Variants in ULK2 observed in about 807,000 individuals in gnomAD.
The protein encoded by ULK2 is unc-51 like autophagy activating kinase 2.
Under a neutral mutation model 127.5 loss-of-function variants are expected in ULK2, and 76 were observed. That is an observed-to-expected ratio of 0.60 (90% CI 0.50 to 0.72). ULK2 has a LOEUF of 0.72. ULK2 is among the 30% of genes least tolerant of loss of function. The probability of loss-of-function intolerance (pLI) is 0.00; values close to 1 mark genes in which losing one functional copy is unlikely to be tolerated. For missense variants in ULK2, 1,144 were observed against 1,295.9 expected (o/e 0.88, Z 1.80); for synonymous variants, 452 against 461.9 (o/e 0.98, Z 0.28).
chr17:19,862,608 G>A (rs902597734), intron 3 of ULK2, among the ~76,000 whole-genome samples: 2 of 151,888 alleles, frequency 1.3e-5, no homozygotes, highest in African/African-American at 2.4e-5. Flanking sequence ...TGGGATTACA[G>A]GCACCCACCA....
intron 1 of ULK2, among the ~76,000 whole-genome samples, chr17:19,866,969 G>C (rs2042364389): frequency 6.6e-6 from 1 of 152,142 alleles, no homozygotes; most frequent in Admixed American, 6.5e-5. Context: ...CCTGGGCACG[G>C]GGAAAAAAAC....
At chr17:19,855,932 T>C (rs1445377025) in intron 3 of ULK2, 1 of 151,610 alleles carries the variant, frequency 6.6e-6, no homozygotes, top group East Asian at 2.0e-4. Context: ...GGAAGATCGC[T>C]TGAGCCCAGG....
intron 10 of ULK2, among the ~76,000 whole-genome samples, chr17:19,833,831 T>C (rs1040158871): frequency 6.6e-6 from 1 of 152,126 alleles, no homozygotes; most frequent in African/African-American, 2.4e-5. Flanking sequence ...TCATCAAGCA[T>C]AGACCATTAA....
chr17:19,817,977 C>T (rs755153139), intron 12 of ULK2, among the ~76,000 whole-genome samples: 2 of 152,086 alleles, frequency 1.3e-5, no homozygotes, highest in African/African-American at 4.8e-5. Context: ...CACTACTGAG[C>T]CTCAACCATG....
At chr17:19,860,387 CAAGTT>C (rs1389925451) in intron 3 of ULK2, among the ~76,000 whole-genome samples, 3 of 152,156 alleles carry the variant, frequency 2.0e-5, no homozygotes, top group Admixed American at 6.5e-5. Flanking sequence ...ACATTCACTT[CAAGTT>C]GATAGTTACT....
chr17:19,791,385 A>C (rs1175228631), intron 20 of ULK2, among the ~76,000 whole-genome samples: 1 of 152,168 alleles, frequency 6.6e-6, no homozygotes, highest in Non-Finnish European at 1.5e-5. Context: ...CCCTGTCTCT[A>C]CTAAAATTAC....
chr17:19,796,729 C>T (rs887235523), intron 18 of ULK2, among the ~76,000 whole-genome samples: 18 of 152,160 alleles, frequency 1.2e-4, no homozygotes, highest in African/African-American at 3.6e-4. Context: ...TCCCCTAGCC[C>T]GCTCCTTCAC....
intron 9 of ULK2, 117 bp downstream of exon 9, chr17:19,841,372 C>G: frequency 9.9e-7 from 1 of 1,014,218 alleles, no homozygotes; most frequent in Non-Finnish European, 1.4e-6. Flanking sequence ...GTAACAAATG[C>G]TTTCACATTA....
chr17:19,842,446 C>T (rs2041787736), intron 8 of ULK2, among the ~76,000 whole-genome samples: 1 of 152,010 alleles, frequency 6.6e-6, no homozygotes, highest in African/African-American at 2.4e-5. Flanking sequence ...ATCTGCCCGC[C>T]TCGGCCTCCC....
intron 14 of ULK2, among the ~76,000 whole-genome samples, chr17:19,806,162 C>T (rs2087511703): frequency 1.3e-5 from 2 of 152,160 alleles, no homozygotes; most frequent in East Asian, 3.8e-4. Context: ...AGCCAGTGCA[C>T]TCATAGGTCT....
At chr17:19,815,215 G>A (rs887645125) in intron 13 of ULK2, among the ~76,000 whole-genome samples, 13 of 152,178 alleles carry the variant, frequency 8.5e-5, no homozygotes, top group African/African-American at 2.6e-4. Context: ...AGAGCAGAAA[G>A]AGAAAAGGCA....
chr17:19,797,968 A>G (rs1403519010), intron 17 of ULK2, among the ~76,000 whole-genome samples: 3 of 152,198 alleles, frequency 2.0e-5, no homozygotes, highest in Admixed American at 1.3e-4. Flanking sequence ...TCTGACTAGC[A>G]CCAAAGAGAA....
chr17:19,820,205 C>T (rs543104618), intron 12 of ULK2, among the ~76,000 whole-genome samples: 42 of 152,190 alleles, frequency 2.8e-4, no homozygotes, highest in African/African-American at 9.4e-4. Context: ...CGCCCCACCA[C>T]GCCCAGCTAA....
At chr17:19,779,531 C>CAAAAAAAAAAAAAAAAAAAA (rs55957234) in intron 25 of ULK2, among the ~76,000 whole-genome samples, 1 of 67,998 alleles carries the variant, frequency 1.5e-5, no homozygotes, top group Non-Finnish European at 2.8e-5. Context: ...AACTCCATCT[C>CAAAAAAAAAAAAAAAAAAAA]AAAAAAAAAA....
intron 13 of ULK2, among the ~76,000 whole-genome samples, chr17:19,813,716 G>A (rs570110103): frequency 1.3e-5 from 2 of 151,876 alleles, no homozygotes; most frequent in East Asian, 1.9e-4. Flanking sequence ...GCACACACAA[G>A]AAAAAAGATA....
In ULK2 at chr17:19,801,718, T is replaced by C. The variant is rs527960229; in HGVS notation, c.1441+59A>G. On this transcript the variant is annotated intron_variant, in intron 16 of 26. Transcript: ENST00000395544. ...CGAAGTTCCTAAAGAAAATGTGTCATGTCAGATTTATTACAGTGAAAAAAA... is the reference window on the plus strand; with the variant it reads ...CGAAGTTCCTAAAGAAAATGTGTCACGTCAGATTTATTACAGTGAAAAAAA... The C allele has an allele frequency of 2.4e-5, 39 of 1,599,764 alleles. No homozygotes were observed. The African/African-American group carries it at 3.9e-4, about 16-fold the overall frequency.
chr17:19,839,335 T>C (rs183403917), intron 9 of ULK2, among the ~76,000 whole-genome samples: 1 of 152,208 alleles, frequency 6.6e-6, no homozygotes, highest in African/African-American at 2.4e-5. Flanking sequence ...AATGAATTAA[T>C]AGCAGTACAC....
chr17:19,819,183 C>T (rs1372054429), intron 12 of ULK2, among the ~76,000 whole-genome samples: 1 of 152,182 alleles, frequency 6.6e-6, no homozygotes, highest in Non-Finnish European at 1.5e-5. Flanking sequence ...GTCTTCAACC[C>T]TTGAATAAAA....
At chr17:19,804,939 C>T in intron 14 of ULK2, 109 bp from the exon 15 acceptor site, 4 of 1,216,948 alleles carry the variant, frequency 3.3e-6, no homozygotes, top group Non-Finnish European at 4.4e-6. Context: ...GCCAAATGGT[C>T]ACTCCACTAC....
Sources: gnomAD v4.1 joint callset for allele counts (sites outside exome capture counted in the v4.1 genomes callset) on GRCh38, gnomAD v4.1.1 for gene constraint, MANE v1.5 for transcripts, NCBI Gene and HGNC (gene_info 2026-07-23, HGNC 2026-07-21) for gene names.